The following RC3H2 variants were observed in gnomAD, a reference collection of about 807,000 sequenced individuals.
RC3H2 encodes the protein roquin-2.
RC3H2 carries 31 observed loss-of-function variants against 133.3 expected under a neutral mutation model. That is an observed-to-expected ratio of 0.23 (90% CI 0.17 to 0.31). The LOEUF is 0.31. Ranked by LOEUF, RC3H2 falls within the 10% of genes least tolerant of loss-of-function variation. RC3H2 has a pLI of 1.00. For missense variants in RC3H2, 1,175 were observed against 1,437.2 expected (o/e 0.82, Z 2.95); for synonymous variants, 517 against 502.2 (o/e 1.03, Z -0.40).
intron 3 of RC3H2, among the ~76,000 whole-genome samples, chr9:122,892,463 G>A (rs1832222369): frequency 6.6e-6 from 1 of 151,990 alleles, no homozygotes; most frequent in African/African-American, 2.4e-5. Context: ...CCAGGCTGGA[G>A]TGCAGTGGCA....
chr9:122,868,339 T>A lies in RC3H2; in HGVS notation c.1326-2682A>T, dbSNP rs569574342. Among the ~76,000 whole-genome samples the A allele has an allele frequency of 5.8e-3, 884 of 152,332 alleles. 18 individuals carry two copies. Among genetic ancestry groups the A allele is most frequent in the East Asian group, 0.041 (213 of 5,180 alleles). On this transcript the variant is annotated intron_variant, in intron 9 of 20. Transcript: ENST00000357244. The stretch of plus-strand genomic sequence containing the variant: ...GGAAAAGATTGAGAAATCGGATGGT[T>A]GCCGTGTCTGTGTGGAAAGAAGTAG...
intron 9 of RC3H2, among the ~76,000 whole-genome samples, chr9:122,873,056 G>A (rs930762422): frequency 6.6e-6 from 1 of 152,074 alleles, no homozygotes; most frequent in African/African-American, 2.4e-5. Context: ...TTCTAAGAAG[G>A]GATTATTGAG....
chr9:122,885,656 T>TAAA (rs1301823684), intron 4 of RC3H2, among the ~76,000 whole-genome samples: 1 of 152,200 alleles, frequency 6.6e-6, no homozygotes. Flanking sequence ...AGGACTTTTT[T>TAAA]AAAAATTGAG....
chr9:122,866,044 T>C (rs1830633467), intron 9 of RC3H2, among the ~76,000 whole-genome samples: 1 of 152,194 alleles, frequency 6.6e-6, no homozygotes, highest in East Asian at 1.9e-4. Context: ...GCAACAAATT[T>C]GGTTGAGAAC....
At position 122,857,984 on chromosome 9, in the gene RC3H2, G is replaced by A; in HGVS notation, c.2393C>T (p.Pro798Leu). Residue 798 changes from proline to leucine, a missense_variant, in exon 13 of 21, where the codon CCT becomes CTT. By Grantham distance (98) the Pro-to-Leu change is moderately conservative. This residue lies in a region of RC3H2 where 490 missense variants were observed against 492.8 expected (regional missense o/e 0.99). Transcript: ENST00000357244. ...QKAPLVSSTL[P>L]VATQSPTPPS... is the part of the protein sequence containing the mutation. ...TGGTGTTGGTGACTGTGTTGCCACA[G>A]GAAGAGTTGAAGAGACAAGAGGTGC... 15 of 1,614,170 alleles carry A rather than the reference G, an allele frequency of 9.3e-6. No individual in the cohort carries two copies. Among genetic ancestry groups the A allele is most frequent in the Non-Finnish European group, 1.3e-5 (15 of 1,179,966 alleles).
Position 122,858,776 on chromosome 9 carries a change from A to C in RC3H2, c.2176T>G (p.Ser726Ala), listed in dbSNP as rs1588058204. Reference sequence around the variant, plus strand: ...TCCCGCAAAGATGTCTGATAGACAGATGAGTGCATCACATCCATTGGAGGT... The same window carrying C: ...TCCCGCAAAGATGTCTGATAGACAGCTGAGTGCATCACATCCATTGGAGGT... ...SLPPMDVMHS[S>A]VYQTSLRERY... Residue 726 changes from serine (S) to alanine (A), a missense_variant, in exon 12 of 21, where the codon TCT (serine) becomes GCT (alanine). Ser to Ala is a moderately conservative substitution (Grantham distance 99, BLOSUM62 1). Around this residue, in one of 8 missense-constraint regions of RC3H2, gnomAD observed 490 missense variants for 492.8 expected, o/e 0.99. Transcript: ENST00000357244. 6.2e-7 allele frequency: 1 copy of C among 1,614,268 alleles called. No homozygotes were observed. The highest frequency in any genetic ancestry group is 2.2e-5 in the East Asian group (1 of 44,894).
intron 9 of RC3H2, among the ~76,000 whole-genome samples, chr9:122,867,096 C>A: frequency 7.4e-6 from 1 of 135,970 alleles, no homozygotes; most frequent in African/African-American, 2.7e-5. Context: ...CCAGCCGCCC[C>A]GTCTGAGAAG....
At chr9:122,859,609 G>A (rs989107287) in intron 11 of RC3H2, among the ~76,000 whole-genome samples, 10 of 152,098 alleles carry the variant, frequency 6.6e-5, no homozygotes, top group Non-Finnish European at 1.0e-4. Flanking sequence ...CAAAATCTAT[G>A]TAAGTTGTTC....
chr9:122,844,773 C>T lies in RC3H2; in HGVS notation c.*4854G>A, dbSNP rs996765089. On this transcript the variant is annotated 3_prime_UTR_variant, in exon 21 of 21. Transcript: ENST00000357244. The stretch of plus-strand genomic sequence containing the variant: ...CACAACCCTCATTGTTCCATCTCTG[C>T]CCTCCCCCCATATACAGGCCTTATA... 6.6e-6 allele frequency: 1 copy of T among 152,232 alleles called. No homozygotes were observed. The highest frequency in any genetic ancestry group is 3.4e-3 in the Middle Eastern group (1 of 292). The allele number at this position is 152,232 out of a possible 1,614,324, so 9.4% of individuals were successfully genotyped here.
Position 122,854,526 on chromosome 9 carries a change from G to C in RC3H2, c.2900+5C>G. ...AGAATCATATAGAATTAAGAAGAAC[G>C]TTACCTTTCAACATAGTGTGCTGAT... On this transcript the variant is annotated splice_donor_5th_base_variant and intron_variant, in intron 16 of 20. Transcript: ENST00000357244. The C allele has an allele frequency of 6.2e-7, 1 of 1,603,518 alleles. No individual in the cohort carries two copies. The highest frequency in any genetic ancestry group is 8.5e-7 in the Non-Finnish European group (1 of 1,170,418).
chr9:122,853,823 A>G (rs1300959387), intron 18 of RC3H2, 129 bp downstream of exon 18: 8 of 1,542,964 alleles, frequency 5.2e-6, no homozygotes, highest in South Asian at 1.2e-5. Flanking sequence ...TTCTGTTATA[A>G]GTTTTAAAAG....
chr9:122,878,289 C>G (rs942453920), intron 8 of RC3H2, among the ~76,000 whole-genome samples: 1 of 152,010 alleles, frequency 6.6e-6, no homozygotes, highest in Non-Finnish European at 1.5e-5. Context: ...ATCTTTGAGA[C>G]GGAGTCTTGC....
chr9:122,884,290 C>T (rs566639619), intron 4 of RC3H2, among the ~76,000 whole-genome samples: 2 of 151,826 alleles, frequency 1.3e-5, no homozygotes, highest in Admixed American at 1.3e-4. Flanking sequence ...GAGACTCCGT[C>T]TCTAAAAAAA....
chr9:122,880,288 A>G (rs747869335), intron 6 of RC3H2, 163 bp from the exon 7 acceptor site: 3 of 885,202 alleles, frequency 3.4e-6, no homozygotes, highest in African/African-American at 3.3e-5. Flanking sequence ...AATCTGCCCT[A>G]TGAAATTCAT....
intron 9 of RC3H2, among the ~76,000 whole-genome samples, chr9:122,869,066 T>G (rs1030540863): frequency 6.6e-6 from 1 of 151,942 alleles, no homozygotes; most frequent in Non-Finnish European, 1.5e-5. Flanking sequence ...CCACCACGCC[T>G]GGTTAACTTT....
chr9:122,873,834 T>C (rs1486214605), intron 9 of RC3H2: 1 of 152,174 alleles, frequency 6.6e-6, no homozygotes, highest in South Asian at 2.1e-4. Context: ...ATTTATTTTT[T>C]TGAGACGGAA....
At chr9:122,856,160 G>T (rs973530815) in intron 13 of RC3H2, among the ~76,000 whole-genome samples, 1 of 151,880 alleles carries the variant, frequency 6.6e-6, no homozygotes, top group Non-Finnish European at 1.5e-5. Context: ...GTACTAACAT[G>T]GTATGGGGTG....
chr9:122,889,054 G>A (rs1832051863), intron 4 of RC3H2, among the ~76,000 whole-genome samples: 2 of 152,086 alleles, frequency 1.3e-5, no homozygotes, highest in Admixed American at 6.6e-5. Context: ...CAATTTTTCA[G>A]TTGGTTGTTG....
rs754571398 is a variant in RC3H2 at position 122,851,408 on chromosome 9, G to A, written c.3146C>T (p.Thr1049Ile). 1 of 1,614,116 alleles carries A rather than the reference G, an allele frequency of 6.2e-7. No homozygotes were observed. Among genetic ancestry groups the A allele is most frequent in the East Asian group, 2.2e-5 (1 of 44,892 alleles). ...GATATCCCTATCAGGTTTAGTATCT[G>A]TTGCATCTTCTGTATAATCACTCTG... ...ELQSDYTEDATDTKPDRDIEL... is the reference protein window; with the variant it reads ...ELQSDYTEDAIDTKPDRDIEL... Residue 1049 changes from threonine (T) to isoleucine (I), a missense_variant, in exon 19 of 21, where the codon ACA becomes ATA. Coordinates refer to ENST00000357244, the MANE Select transcript of RC3H2 (RefSeq NM_001100588.3).
Sources: gnomAD v4.1 joint callset for allele counts (sites outside exome capture counted in the v4.1 genomes callset) on GRCh38, gnomAD v4.1.1 for gene constraint, gnomAD v4.1.1 regional missense constraint, MANE v1.5 for transcripts, NCBI Gene and HGNC (gene_info 2026-07-23, HGNC 2026-07-21) for gene names.